PTK2: variants seen among roughly 807,000 people sequenced by gnomAD.
The protein encoded by PTK2 is focal adhesion kinase 1.
A neutral mutation model predicts 150.1 loss-of-function variants in PTK2; 45 were observed. The observed-to-expected ratio is 0.30, with a 90% CI of 0.24 to 0.38. PTK2 has a LOEUF of 0.38. Ranked by LOEUF, PTK2 falls within the 10% of genes least tolerant of loss-of-function variation. PTK2 has a pLI of 1.00. For missense variants in PTK2, 919 were observed against 1,307.3 expected (o/e 0.70, Z 4.58); for synonymous variants, 432 against 449.2 (o/e 0.96, Z 0.48).
At chr8:140,909,176 G>C (rs2100162108) in intron 2 of PTK2, 1 of 154,212 alleles carries the variant, frequency 6.5e-6, no homozygotes, top group Admixed American at 6.5e-5. Context: ...CTGTTGGAAG[G>C]GAAGGGGAAG....
intron 2 of PTK2, among the ~76,000 whole-genome samples, chr8:140,899,783 A>C (rs935869950): frequency 6.6e-6 from 1 of 152,218 alleles, no homozygotes; most frequent in African/African-American, 2.4e-5. Context: ...CAGAGATGCA[A>C]GGAGAGTTCA....
chr8:140,936,358 A>C (rs956302480), intron 1 of PTK2, among the ~76,000 whole-genome samples: 1 of 152,176 alleles, frequency 6.6e-6, no homozygotes, highest in Non-Finnish European at 1.5e-5. Flanking sequence ...AATTCTCAGC[A>C]ATGTACTGAG....
chr8:140,702,945 C>G (rs1390171195), intron 24 of PTK2, among the ~76,000 whole-genome samples: 1 of 152,124 alleles, frequency 6.6e-6, no homozygotes, highest in South Asian at 2.1e-4. Flanking sequence ...TCTGGGATAT[C>G]TGAGTGAGTC....
At chr8:140,928,960 T>A (rs1180889585) in intron 1 of PTK2, among the ~76,000 whole-genome samples, 1 of 122,534 alleles carries the variant, frequency 8.2e-6, no homozygotes, top group Admixed American at 7.9e-5. Context: ...TATCACAATT[T>A]TTTTTTTTTT....
At chr8:140,716,157 T>C (rs1444820271) in intron 23 of PTK2, among the ~76,000 whole-genome samples, 1 of 152,164 alleles carries the variant, frequency 6.6e-6, no homozygotes, top group Non-Finnish European at 1.5e-5. Context: ...TTGGAGTAGG[T>C]AGGTGACTTG....
chr8:140,725,636 A>G (rs2100045288), intron 22 of PTK2, among the ~76,000 whole-genome samples: 1 of 152,246 alleles, frequency 6.6e-6, no homozygotes, highest in African/African-American at 2.4e-5. Flanking sequence ...AGACAGGCAG[A>G]GAAGGAGTGC....
At chr8:140,786,302 G>A (rs1156639014) in intron 14 of PTK2, among the ~76,000 whole-genome samples, 2 of 152,316 alleles carry the variant, frequency 1.3e-5, no homozygotes, top group East Asian at 3.9e-4. Flanking sequence ...AGAAGCACAT[G>A]CAGAATTTCA....
intron 31 of PTK2, 140 bp from the exon 36 acceptor site, chr8:140,659,818 T>A: frequency 1.4e-6 from 1 of 723,908 alleles, no homozygotes; most frequent in Non-Finnish European, 2.2e-6. Flanking sequence ...GCCTTCCCAC[T>A]AGCTGGGAAC....
chr8:140,984,867 C>T (rs1340003791), intron 1 of PTK2, among the ~76,000 whole-genome samples: 2 of 152,094 alleles, frequency 1.3e-5, no homozygotes, highest in Admixed American at 6.6e-5. Flanking sequence ...CAACATCCCC[C>T]GAGTTCCTTG....
At chr8:140,945,754 A>C (rs1252306281) in intron 1 of PTK2, among the ~76,000 whole-genome samples, 1 of 152,148 alleles carries the variant, frequency 6.6e-6, no homozygotes, top group Non-Finnish European at 1.5e-5. Flanking sequence ...TATACATATA[A>C]TCTAAGAAGG....
At chr8:140,707,261 G>A (rs1443232493) in intron 23 of PTK2, among the ~76,000 whole-genome samples, 2 of 152,144 alleles carry the variant, frequency 1.3e-5, no homozygotes, top group Admixed American at 6.5e-5. Flanking sequence ...TTATAGGCTG[G>A]GCGCTATGGC....
chr8:140,990,541 CAACA>C (rs1482514226), intron 1 of PTK2, among the ~76,000 whole-genome samples: 5 of 152,168 alleles, frequency 3.3e-5, no homozygotes, highest in African/African-American at 4.8e-5. Flanking sequence ...CATGCCAGGC[CAACA>C]AATTGTCTCA....
At chr8:140,837,787 G>A (rs546699515) in intron 7 of PTK2, among the ~76,000 whole-genome samples, 36 of 151,650 alleles carry the variant, frequency 2.4e-4, no homozygotes, top group African/African-American at 6.5e-4. Context: ...AGCTGGGCAC[G>A]GTGGCTTACA....
rs573198964 is a variant in PTK2, at chr8:140,971,861, A to T, written c.-122+29264T>A. ...AGTACAAAGAAAATTTACATATTTC[A>T]AAATCCATTTAACTGTGCAATTGAG... On this transcript the variant is annotated intron_variant, in intron 1 of 31. Coordinates refer to ENST00000522684, the Ensembl canonical transcript of PTK2. 3.0e-4 allele frequency among the ~76,000 whole-genome samples: 46 copies of T among 152,376 alleles called. 1 individual carries two copies. Among genetic ancestry groups the T allele is most frequent in the South Asian group, 2.9e-3 (14 of 4,834 alleles).
intron 8 of PTK2, 39 bp from the exon 9 acceptor site, chr8:140,819,059 G>T (rs374775480): frequency 2.2e-5 from 36 of 1,601,688 alleles, no homozygotes; most frequent in Non-Finnish European, 3.1e-5. Context: ...GTAAAAATCA[G>T]CAATGAGTAA....
At chr8:140,964,079 T>G (rs529513944) in intron 1 of PTK2, among the ~76,000 whole-genome samples, 1 of 152,274 alleles carries the variant, frequency 6.6e-6, no homozygotes, top group African/African-American at 2.4e-5. Flanking sequence ...CCACCCAGCT[T>G]ACTCCTAATC....
At chr8:140,826,933 G>T (rs980504390) in intron 8 of PTK2, among the ~76,000 whole-genome samples, 1 of 151,828 alleles carries the variant, frequency 6.6e-6, no homozygotes, top group Admixed American at 6.6e-5. Context: ...AAAAGGAAAA[G>T]AAGTTTTCTC....
chr8:140,839,393 G>C (rs1431385674), intron 7 of PTK2, among the ~76,000 whole-genome samples: 3 of 152,176 alleles, frequency 2.0e-5, no homozygotes, highest in South Asian at 2.1e-4. Context: ...CTGAGTGAGA[G>C]TCAGAGTAAC....
intron 2 of PTK2, among the ~76,000 whole-genome samples, chr8:140,893,952 A>T (rs2100155091): frequency 1.3e-5 from 2 of 152,216 alleles, no homozygotes; most frequent in African/African-American, 2.4e-5. Context: ...GGAATTTGAC[A>T]ATAACAAAAC....
Sources: gnomAD v4.1 joint callset for allele counts (sites outside exome capture counted in the v4.1 genomes callset) on GRCh38, gnomAD v4.1.1 for gene constraint, MANE v1.5 for transcripts, NCBI Gene and HGNC (gene_info 2026-07-23, HGNC 2026-07-21) for gene names.